The following CABCOCO1 variants were observed in gnomAD, a reference collection of about 807,000 sequenced individuals.
The protein encoded by CABCOCO1 is ciliary associated calcium binding coiled-coil 1, also known as ciliary-associated calcium-binding coiled-coil protein 1.
A neutral mutation model predicts 35.7 loss-of-function variants in CABCOCO1; 28 were observed. That is an observed-to-expected ratio of 0.78 (90% CI 0.58 to 1.07). The LOEUF (loss-of-function observed/expected upper bound fraction) is 1.07, where lower values mean the gene tolerates loss of function less well. Among genes scored for constraint, CABCOCO1 ranks in the 50% least tolerant of loss-of-function variants. The probability of loss-of-function intolerance (pLI) is 0.00; values close to 1 mark genes in which losing one functional copy is unlikely to be tolerated. For synonymous variants in CABCOCO1, 95 were observed against 100.1 expected, an observed-to-expected ratio of 0.95 and a Z score of 0.30; for missense variants, 326 against 309.2, an observed-to-expected ratio of 1.05 and a Z score of -0.41.
chr10:61,694,334 T>G (rs575562803), intron 5 of CABCOCO1, among the ~76,000 whole-genome samples: 1 of 148,598 alleles, frequency 6.7e-6, no homozygotes, highest in African/African-American at 2.5e-5. Context: ...TTTTAATACT[T>G]AATTATTATT....
chr10:61,715,030 G>T (rs1035427085), intron 5 of CABCOCO1, among the ~76,000 whole-genome samples: 4 of 152,140 alleles, frequency 2.6e-5, no homozygotes, highest in African/African-American at 9.6e-5. Flanking sequence ...TATTAGGTCT[G>T]CTTGGTGCAG....
At chr10:61,705,769 T>C (rs368765198) in intron 5 of CABCOCO1, among the ~76,000 whole-genome samples, 1 of 152,216 alleles carries the variant, frequency 6.6e-6, no homozygotes, top group Non-Finnish European at 1.5e-5. Flanking sequence ...ATTTACTGTA[T>C]GCTAGGCACT....
chr10:61,747,385 C>CT (rs1429326889), intron 5 of CABCOCO1, among the ~76,000 whole-genome samples: 2 of 152,130 alleles, frequency 1.3e-5, no homozygotes, highest in Non-Finnish European at 1.5e-5. Flanking sequence ...TTTTGATAGT[C>CT]TATCTGTTCT....
At chr10:61,679,166 C>T (rs1839619025) in intron 2 of CABCOCO1, among the ~76,000 whole-genome samples, 1 of 152,064 alleles carries the variant, frequency 6.6e-6, no homozygotes. Context: ...CAAGAGAATG[C>T]TAATGGTCCA....
intron 5 of CABCOCO1, among the ~76,000 whole-genome samples, chr10:61,692,573 A>G (rs1840178923): frequency 6.6e-6 from 1 of 152,102 alleles, no homozygotes; most frequent in Non-Finnish European, 1.5e-5. Context: ...TAAGAACCAC[A>G]TGGAACATGC....
intron 5 of CABCOCO1, among the ~76,000 whole-genome samples, chr10:61,754,961 A>T (rs1344001174): frequency 2.0e-5 from 3 of 152,136 alleles, no homozygotes; most frequent in African/African-American, 7.2e-5. Flanking sequence ...TAAATACTGC[A>T]TATTAAGCAT....
At chr10:61,710,808 C>T (rs1304989228) in intron 5 of CABCOCO1, among the ~76,000 whole-genome samples, 1 of 151,660 alleles carries the variant, frequency 6.6e-6, no homozygotes, top group Non-Finnish European at 1.5e-5. Flanking sequence ...GTCAAGGTGG[C>T]CAGGATCAAG....
intron 3 of CABCOCO1, among the ~76,000 whole-genome samples, chr10:61,682,093 G>A (rs907005901): frequency 6.6e-6 from 1 of 152,120 alleles, no homozygotes; most frequent in African/African-American, 2.4e-5. Flanking sequence ...TAGAATAAAG[G>A]AAAGTAAAAA....
chr10:61,706,389 T>C (rs1278717208), intron 5 of CABCOCO1, among the ~76,000 whole-genome samples: 1 of 152,232 alleles, frequency 6.6e-6, no homozygotes, highest in East Asian at 1.9e-4. Context: ...ATAACTCTGA[T>C]ATAAATGTAA....
intron 5 of CABCOCO1, among the ~76,000 whole-genome samples, chr10:61,734,926 C>T (rs2132058912): frequency 6.6e-6 from 1 of 152,154 alleles, no homozygotes. Flanking sequence ...AGATAAGAAA[C>T]ATAACTGAGA....
In CABCOCO1 at chr10:61,749,658, A is replaced by G. The variant is rs1841738248; in HGVS notation, c.553-10401A>G. Among the ~76,000 whole-genome samples the G allele has an allele frequency of 2.0e-5, 3 of 152,332 alleles. No homozygotes were observed. In the South Asian group the frequency reaches 6.2e-4, roughly 32 times the overall value. On this transcript the variant is annotated intron_variant, in intron 5 of 7. Transcript: ENST00000648843. Reference sequence around the variant, plus strand: ...TTTCTGAACCTGTATTTCCTCACATATAAACTAGAGATAAACATTTTTTGG... The same window carrying G: ...TTTCTGAACCTGTATTTCCTCACATGTAAACTAGAGATAAACATTTTTTGG...
chr10:61,740,136 A>G (rs1408613697), intron 5 of CABCOCO1, among the ~76,000 whole-genome samples: 1 of 152,238 alleles, frequency 6.6e-6, no homozygotes, highest in East Asian at 1.9e-4. Flanking sequence ...TTAGTTTTAA[A>G]TACATTAAGT....
chr10:61,704,011 T>A (rs958267926), intron 5 of CABCOCO1, among the ~76,000 whole-genome samples: 1 of 152,002 alleles, frequency 6.6e-6, no homozygotes, highest in African/African-American at 2.4e-5. Flanking sequence ...AGGCCAGTAG[T>A]TCGAGACCAG....
rs192949605 is a variant in CABCOCO1, at chr10:61,693,866, G to T, written c.552+3245G>T. ...GAATATTCAAGAAATAAATTGCAAAGAAATAAAAAAAAATAACAGGTGAAC... is the reference window on the plus strand; with the variant it reads ...GAATATTCAAGAAATAAATTGCAAATAAATAAAAAAAAATAACAGGTGAAC... On this transcript the variant is annotated intron_variant, in intron 5 of 7. Transcript: ENST00000648843. Among the ~76,000 whole-genome samples, 187 of 146,526 alleles carry T rather than the reference G, an allele frequency of 1.3e-3. 1 individual carries two copies. The highest frequency in any genetic ancestry group is 4.4e-3 in the African/African-American group (171 of 39,112).
intron 5 of CABCOCO1, among the ~76,000 whole-genome samples, chr10:61,758,477 C>T (rs1841944024): frequency 6.6e-6 from 1 of 152,064 alleles, no homozygotes; most frequent in Non-Finnish European, 1.5e-5. Flanking sequence ...GAGAAAAGAA[C>T]TGTTCTGATA....
chr10:61,747,877 C>T (rs531288331), intron 5 of CABCOCO1, among the ~76,000 whole-genome samples: 2 of 152,284 alleles, frequency 1.3e-5, no homozygotes, highest in Admixed American at 6.5e-5. Flanking sequence ...ACCCTCACAT[C>T]AAGGCTGTCT....
chr10:61,677,650 T>A (rs915016556), intron 2 of CABCOCO1, among the ~76,000 whole-genome samples: 3 of 151,996 alleles, frequency 2.0e-5, no homozygotes, highest in Non-Finnish European at 4.4e-5. Context: ...ACCCATTAAC[T>A]CATCATTTAA....
intron 5 of CABCOCO1, among the ~76,000 whole-genome samples, chr10:61,737,882 T>C (rs946066510): frequency 6.6e-6 from 1 of 152,012 alleles, no homozygotes; most frequent in Non-Finnish European, 1.5e-5. Context: ...GGTGATGTAA[T>C]AATATGTACA....
At chr10:61,742,359 G>A (rs1404783966) in intron 5 of CABCOCO1, among the ~76,000 whole-genome samples, 1 of 152,118 alleles carries the variant, frequency 6.6e-6, no homozygotes, top group East Asian at 1.9e-4. Context: ...TTACTCTCAT[G>A]ACATAAGATT....
Sources: allele counts gnomAD v4.1 joint callset (sites outside exome capture counted in the v4.1 genomes callset), GRCh38; gene constraint gnomAD v4.1.1; transcripts MANE v1.5; gene names NCBI Gene and HGNC (gene_info 2026-07-23, HGNC 2026-07-21).